Variants in PTK2 observed in about 807,000 individuals in gnomAD.
PTK2 encodes the protein focal adhesion kinase 1.
PTK2 carries 45 observed loss-of-function variants against 150.1 expected under a neutral mutation model. That is an observed-to-expected ratio of 0.30 (90% confidence interval 0.24 to 0.38). PTK2 has a LOEUF of 0.38. PTK2 is among the 10% of genes least tolerant of loss of function. The pLI, the probability that PTK2 is intolerant of heterozygous loss-of-function variation, is 1.00. For missense variants in PTK2, 919 were observed against 1,307.3 expected (o/e 0.70, Z 4.58); for synonymous variants, 432 against 449.2 (o/e 0.96, Z 0.48).
chr8:140,845,042 C>T (rs1397680598), intron 7 of PTK2, among the ~76,000 whole-genome samples: 2 of 152,124 alleles, frequency 1.3e-5, no homozygotes, highest in East Asian at 1.9e-4. Context: ...TCTGCTAGCC[C>T]GTGTCTCCAT....
chr8:140,851,178 G>A (rs1190124165), intron 5 of PTK2, among the ~76,000 whole-genome samples: 1 of 152,218 alleles, frequency 6.6e-6, no homozygotes, highest in African/African-American at 2.4e-5. Context: ...TTTGTATACA[G>A]AAGGAACTCA....
chr8:140,994,667 T>C (rs2100196938), intron 1 of PTK2, among the ~76,000 whole-genome samples: 1 of 152,134 alleles, frequency 6.6e-6, no homozygotes, highest in Non-Finnish European at 1.5e-5. Flanking sequence ...CTACTGTAGT[T>C]GTTTTGGGGG....
chr8:140,708,995 C>T, intron 23 of PTK2, among the ~76,000 whole-genome samples: 1 of 150,986 alleles, frequency 6.6e-6, no homozygotes, highest in Middle Eastern at 3.5e-3. Flanking sequence ...TTACAATTTA[C>T]TGTGTATTCT....
At chr8:140,851,932 TGTGTGTGTGCCC>T (rs1373259518) in intron 5 of PTK2, among the ~76,000 whole-genome samples, 1 of 151,676 alleles carries the variant, frequency 6.6e-6, no homozygotes, top group East Asian at 1.9e-4. Context: ...TGATGTTGAG[TGTGTGTGTGCCC>T]GTGTGTGTAC....
chr8:140,765,304 C>T (rs893720542), intron 14 of PTK2: 1 of 152,098 alleles, frequency 6.6e-6, no homozygotes, highest in Non-Finnish European at 1.5e-5. Flanking sequence ...TTCTGTGACG[C>T]CTTATTACTG....
At chr8:140,859,601 G>A (rs2100134841) in intron 5 of PTK2, among the ~76,000 whole-genome samples, 1 of 152,110 alleles carries the variant, frequency 6.6e-6, no homozygotes, top group South Asian at 2.1e-4. Flanking sequence ...ATCAAATTCT[G>A]AGGCCATTAT....
chr8:140,775,761 C>G (rs1474478694), intron 14 of PTK2, among the ~76,000 whole-genome samples: 1 of 152,106 alleles, frequency 6.6e-6, no homozygotes, highest in Non-Finnish European at 1.5e-5. Context: ...AACTTGAAGT[C>G]AGTAATCTAA....
intron 12 of PTK2, among the ~76,000 whole-genome samples, chr8:140,797,441 C>CAT (rs981327716): frequency 6.6e-6 from 1 of 152,160 alleles, no homozygotes; most frequent in African/African-American, 2.4e-5. Context: ...TTCAGCAGCA[C>CAT]ATAAGTGTTT....
At chr8:140,872,687 G>A (rs532871884) in intron 4 of PTK2, among the ~76,000 whole-genome samples, 3 of 152,310 alleles carry the variant, frequency 2.0e-5, no homozygotes, top group South Asian at 4.1e-4. Flanking sequence ...CCCCTGCCAC[G>A]GCTCTGGGCC....
At chr8:140,818,780 G>A in intron 9 of PTK2, 100 bp downstream of exon 9, 1 of 1,276,764 alleles carries the variant, frequency 7.8e-7, no homozygotes, top group Non-Finnish European at 1.1e-6. Flanking sequence ...AAAAAAATGG[G>A]ACAAGTTAGC....
chr8:140,745,480 T>C (rs1356164426), intron 18 of PTK2, among the ~76,000 whole-genome samples: 1 of 152,164 alleles, frequency 6.6e-6, no homozygotes, highest in Non-Finnish European at 1.5e-5. Flanking sequence ...AAAAGTACCG[T>C]GAACAAGAAA....
chr8:140,973,223 T>C (rs1017721520), intron 1 of PTK2, among the ~76,000 whole-genome samples: 1 of 152,204 alleles, frequency 6.6e-6, no homozygotes, highest in Non-Finnish European at 1.5e-5. Flanking sequence ...TTTGCCCAGA[T>C]CCTGGGAGGT....
exon 32 of PTK2, chr8:140,659,430 CAA>C: frequency 6.4e-7 from 1 of 1,564,626 alleles, no homozygotes; most frequent in East Asian, 2.2e-5. Context: ...AGAACATCTT[CAA>C]AAGAGGGTAG....
intron 10 of PTK2, among the ~76,000 whole-genome samples, chr8:140,808,690 T>C (rs1227755121): frequency 6.6e-6 from 1 of 151,294 alleles, no homozygotes; most frequent in Non-Finnish European, 1.5e-5. Context: ...TTCTAAATAA[T>C]GCTATAATGA....
At chr8:140,861,012 TAAGTA>T (rs2100135757) in intron 5 of PTK2, among the ~76,000 whole-genome samples, 1 of 152,218 alleles carries the variant, frequency 6.6e-6, no homozygotes, top group African/African-American at 2.4e-5. Flanking sequence ...AGAGATAATT[TAAGTA>T]ATGTTTTAGA....
intron 1 of PTK2, among the ~76,000 whole-genome samples, chr8:140,944,752 T>C (rs2100177100): frequency 6.6e-6 from 1 of 152,176 alleles, no homozygotes; most frequent in Admixed American, 6.5e-5. Flanking sequence ...CCACTGAACA[T>C]AACGGCCTGA....
chr8:140,972,780 C>T (rs970889532), intron 1 of PTK2, among the ~76,000 whole-genome samples: 10 of 152,162 alleles, frequency 6.6e-5, no homozygotes, highest in Admixed American at 6.5e-4. Context: ...AGTTAAGACA[C>T]GTTTTGTCCA....
At chr8:140,932,558 T>A (rs1157186744) in intron 1 of PTK2, among the ~76,000 whole-genome samples, 2 of 152,148 alleles carry the variant, frequency 1.3e-5, no homozygotes, top group African/African-American at 4.8e-5. Context: ...CAAAGCCATA[T>A]CTAGTTTAAT....
chr8:140,745,355 T>C (rs2100058089), intron 18 of PTK2, among the ~76,000 whole-genome samples: 1 of 152,210 alleles, frequency 6.6e-6, no homozygotes, highest in Non-Finnish European at 1.5e-5. Flanking sequence ...AATGCTGACA[T>C]GGCAAAGAAA....
Sources: allele counts gnomAD v4.1 joint callset (sites outside exome capture counted in the v4.1 genomes callset), GRCh38; gene constraint gnomAD v4.1.1; transcripts MANE v1.5; gene names NCBI Gene and HGNC (gene_info 2026-07-23, HGNC 2026-07-21).